Variants in SLC25A21 observed in about 807,000 individuals in gnomAD.
The protein encoded by SLC25A21 is solute carrier family 25 member 21, also known as mitochondrial 2-oxodicarboxylate carrier.
Under a neutral mutation model 43.8 loss-of-function variants are expected in SLC25A21, and 47 were observed. That is an observed-to-expected ratio of 1.07 (90% CI 0.85 to 1.37). SLC25A21 has a LOEUF of 1.37. Among genes scored for constraint, SLC25A21 ranks in the 40% most tolerant of loss-of-function variants. The pLI is 0.00. For missense variants in SLC25A21, 352 were observed against 350.2 expected, an observed-to-expected ratio of 1.00 and a Z score of -0.04; for synonymous variants, 131 against 121.3, an observed-to-expected ratio of 1.08 and a Z score of -0.52.
chr14:36,945,379 C>T (rs553594149), intron 1 of SLC25A21, among the ~76,000 whole-genome samples: 21 of 152,236 alleles, frequency 1.4e-4, no homozygotes, highest in African/African-American at 4.6e-4. Flanking sequence ...CCCCAAAGAA[C>T]TGAAAGCAGA....
At chr14:37,074,797 G>A (rs748898303) in intron 1 of SLC25A21, among the ~76,000 whole-genome samples, 9 of 152,080 alleles carry the variant, frequency 5.9e-5, no homozygotes, top group Non-Finnish European at 7.4e-5. Flanking sequence ...ACTCCAGCCT[G>A]AGTGACAGAG....
chr14:36,759,588 C>G (rs1332764211), intron 3 of SLC25A21: 1 of 152,214 alleles, frequency 6.6e-6, no homozygotes, highest in Non-Finnish European at 1.5e-5. Flanking sequence ...AAAACCAAGT[C>G]CCCAAAGGGG....
At chr14:36,912,381 C>T (rs1041011298) in intron 1 of SLC25A21, among the ~76,000 whole-genome samples, 11 of 152,184 alleles carry the variant, frequency 7.2e-5, no homozygotes, top group African/African-American at 2.7e-4. Flanking sequence ...AGCCTGAATC[C>T]ATGCCCAACT....
chr14:37,141,115 A>C (rs1318494097), intron 1 of SLC25A21, among the ~76,000 whole-genome samples: 1 of 152,210 alleles, frequency 6.6e-6, no homozygotes, highest in Non-Finnish European at 1.5e-5. Context: ...ACCGCACTCC[A>C]GCCTGGGTGA....
At chr14:37,017,418 G>A (rs971792021) in intron 1 of SLC25A21, among the ~76,000 whole-genome samples, 2 of 151,996 alleles carry the variant, frequency 1.3e-5, no homozygotes, top group African/African-American at 4.8e-5. Context: ...ACATGTACAT[G>A]GTTCATGGTG....
chr14:36,991,912 T>C (rs1477702790), intron 1 of SLC25A21, among the ~76,000 whole-genome samples: 1 of 152,214 alleles, frequency 6.6e-6, no homozygotes, highest in African/African-American at 2.4e-5. Flanking sequence ...TCAGGGTATC[T>C]TAAATGGCAC....
At chr14:36,858,168 A>T (rs2138526848) in intron 2 of SLC25A21, among the ~76,000 whole-genome samples, 1 of 152,086 alleles carries the variant, frequency 6.6e-6, no homozygotes, top group East Asian at 1.9e-4. Context: ...ACGTTTGCAA[A>T]ACCTCTTTTC....
chr14:36,716,532 A>C (rs1884142861), intron 6 of SLC25A21, among the ~76,000 whole-genome samples: 1 of 152,204 alleles, frequency 6.6e-6, no homozygotes, highest in Non-Finnish European at 1.5e-5. Flanking sequence ...AATATATCTA[A>C]TAAAATATAT....
intron 1 of SLC25A21, among the ~76,000 whole-genome samples, chr14:37,100,007 A>C (rs915490063): frequency 1.3e-5 from 2 of 151,970 alleles, no homozygotes; most frequent in Admixed American, 6.6e-5. Flanking sequence ...TATTCATTCC[A>C]GCTCAAATGC....
chr14:36,708,363 T>C (rs113686018), intron 7 of SLC25A21, among the ~76,000 whole-genome samples: 3,635 of 152,362 alleles, frequency 0.024, 110 homozygotes, highest in African/African-American at 0.068. Context: ...GGAAGTGCTA[T>C]CTAATAGATA....
chr14:36,683,987 G>T, intron 8 of SLC25A21, 107 bp from the exon 9 acceptor site: 1 of 709,678 alleles, frequency 1.4e-6, no homozygotes, highest in Non-Finnish European at 2.3e-6. Context: ...AAATTATTTG[G>T]AATTACACAC....
At chr14:36,898,318 T>C (rs1362117321) in intron 1 of SLC25A21, among the ~76,000 whole-genome samples, 5 of 152,164 alleles carry the variant, frequency 3.3e-5, no homozygotes, top group Non-Finnish European at 7.4e-5. Context: ...TCTGTGGGCG[T>C]AGGACCCTCC....
At chr14:36,843,518 C>T (rs1200721570) in intron 2 of SLC25A21, among the ~76,000 whole-genome samples, 1 of 152,148 alleles carries the variant, frequency 6.6e-6, no homozygotes, top group African/African-American at 2.4e-5. Flanking sequence ...CAATTTTTAA[C>T]ATTTGCCATG....
intron 1 of SLC25A21, among the ~76,000 whole-genome samples, chr14:36,887,679 G>C (rs141400269): frequency 2.0e-5 from 3 of 152,192 alleles, no homozygotes; most frequent in Non-Finnish European, 4.4e-5. Context: ...TTGGGGAAGA[G>C]GGCAGCTTAT....
chr14:36,808,565 T>C (rs1888124304), intron 3 of SLC25A21, among the ~76,000 whole-genome samples: 1 of 152,194 alleles, frequency 6.6e-6, no homozygotes, highest in Non-Finnish European at 1.5e-5. Flanking sequence ...CATATTATCT[T>C]CTTTCCAGCC....
intron 3 of SLC25A21, among the ~76,000 whole-genome samples, 184 bp from the exon 4 acceptor site, chr14:36,734,757 G>C (rs1884966000): frequency 6.6e-6 from 1 of 152,100 alleles, no homozygotes; most frequent in Non-Finnish European, 1.5e-5. Context: ...TATTCAGAAG[G>C]TAAATACGTG....
At chr14:36,790,735 G>A (rs1360577600) in intron 3 of SLC25A21, among the ~76,000 whole-genome samples, 3 of 152,122 alleles carry the variant, frequency 2.0e-5, no homozygotes, top group Admixed American at 6.6e-5. Context: ...TGAAAGGTTA[G>A]CTGGCACACA....
At chr14:36,895,342 T>C (rs1891207533) in intron 1 of SLC25A21, among the ~76,000 whole-genome samples, 2 of 152,240 alleles carry the variant, frequency 1.3e-5, no homozygotes, top group Non-Finnish European at 2.9e-5. Context: ...GTGTTTATAG[T>C]ATTCTGTGAT....
At chr14:36,987,678 C>A (rs1002006183) in intron 1 of SLC25A21, among the ~76,000 whole-genome samples, 2 of 152,056 alleles carry the variant, frequency 1.3e-5, no homozygotes, top group Admixed American at 1.3e-4. Context: ...ACCTCTTCAC[C>A]TTCATTAAAT....
Sources: allele counts gnomAD v4.1 joint callset (sites outside exome capture counted in the v4.1 genomes callset), GRCh38; gene constraint gnomAD v4.1.1; transcripts MANE v1.5; gene names NCBI Gene and HGNC (gene_info 2026-07-23, HGNC 2026-07-21).